Variants in NRXN3 observed in about 807,000 individuals in gnomAD.
NRXN3 encodes neurexin 3, also known as neurexin III.
In NRXN3, 32 loss-of-function variants were observed where a neutral mutation model predicts 137.6. The ratio of observed to expected loss-of-function variants is 0.23; its 90% CI spans 0.18 to 0.31. The LOEUF is 0.31. Ranked by LOEUF, NRXN3 falls within the 10% of genes least tolerant of loss-of-function variation. The pLI is 1.00. For synonymous variants in NRXN3, 798 were observed against 784.5 expected (o/e 1.02, Z -0.29); for missense variants, 1,574 against 2,062.5 (o/e 0.76, Z 4.59).
intron 8 of NRXN3, among the ~76,000 whole-genome samples, chr14:78,792,257 C>CAAAAAAAAAAAAAAAAAAAAAAA (rs140968788): frequency 5.1e-5 from 1 of 19,456 alleles, no homozygotes; most frequent in Non-Finnish European, 7.7e-5. Context: ...AGACTAAAGG[C>CAAAAAAAAAAAAAAAAAAAAAAA]AAAAAAAAAA....
At chr14:79,196,981 G>A (rs1295014250) in intron 15 of NRXN3, among the ~76,000 whole-genome samples, 1 of 151,890 alleles carries the variant, frequency 6.6e-6, no homozygotes, top group Non-Finnish European at 1.5e-5. Flanking sequence ...TCAAGGGTCT[G>A]GGGGTCAGTT....
At chr14:79,836,662 G>A (rs2141354249) in intron 20 of NRXN3, among the ~76,000 whole-genome samples, 1 of 152,246 alleles carries the variant, frequency 6.6e-6, no homozygotes, top group African/African-American at 2.4e-5. Context: ...GAGGGTCCCA[G>A]AGAACCTCAT....
chr14:79,058,972 T>C (rs2099670018), intron 15 of NRXN3, among the ~76,000 whole-genome samples: 1 of 152,192 alleles, frequency 6.6e-6, no homozygotes, highest in South Asian at 2.1e-4. Flanking sequence ...ATTAAACCTT[T>C]TTCTTTTATA....
At chr14:78,886,497 A>G (rs189709627) in intron 10 of NRXN3, among the ~76,000 whole-genome samples, 1 of 151,796 alleles carries the variant, frequency 6.6e-6, no homozygotes, top group Admixed American at 6.6e-5. Flanking sequence ...CTTCTTTTAT[A>G]TCTCTTTCTT....
At chr14:79,708,196 T>G (rs1195302348) in intron 19 of NRXN3, among the ~76,000 whole-genome samples, 1 of 152,184 alleles carries the variant, frequency 6.6e-6, no homozygotes, top group East Asian at 1.9e-4. Context: ...GTACAGACTT[T>G]TTTCTTACTA....
chr14:79,083,123 A>G (rs1173161201), intron 15 of NRXN3, among the ~76,000 whole-genome samples: 3 of 152,216 alleles, frequency 2.0e-5, no homozygotes, highest in African/African-American at 4.8e-5. Context: ...CATCAGTGGT[A>G]CTGTGTGAGA....
chr14:79,415,739 G>C (rs554948483), intron 15 of NRXN3, among the ~76,000 whole-genome samples: 1 of 152,134 alleles, frequency 6.6e-6, no homozygotes, highest in South Asian at 2.1e-4. Flanking sequence ...ATGTAGCATT[G>C]AGCCTATGTC....
At chr14:79,552,132 A>G (rs2097379197) in intron 16 of NRXN3, among the ~76,000 whole-genome samples, 1 of 152,210 alleles carries the variant, frequency 6.6e-6, no homozygotes, top group South Asian at 2.1e-4. Flanking sequence ...TGTTGTTTTC[A>G]ATTTGTTTAT....
chr14:78,357,127 C>G (rs1219672209), intron 4 of NRXN3, among the ~76,000 whole-genome samples: 1 of 152,122 alleles, frequency 6.6e-6, no homozygotes, highest in Non-Finnish European at 1.5e-5. Flanking sequence ...ATACCTGCGA[C>G]TTGGCAGTTT....
intron 10 of NRXN3, among the ~76,000 whole-genome samples, chr14:78,883,762 A>G (rs1437348304): frequency 1.3e-5 from 2 of 152,168 alleles, no homozygotes; most frequent in Admixed American, 6.5e-5. Context: ...AAATGCAGAG[A>G]GCTTACTCCA....
intron 4 of NRXN3, among the ~76,000 whole-genome samples, chr14:78,344,598 C>T (rs1163234992): frequency 6.6e-6 from 1 of 152,180 alleles, no homozygotes; most frequent in African/African-American, 2.4e-5. Flanking sequence ...GCTGCTCTGA[C>T]GTGGCTGCTT....
At chr14:79,808,343 C>CA (rs1568322897) in intron 20 of NRXN3, among the ~76,000 whole-genome samples, 1 of 150,508 alleles carries the variant, frequency 6.6e-6, no homozygotes, top group East Asian at 2.0e-4. Flanking sequence ...AATCAGAAAT[C>CA]AGTTTCTTGG....
At chr14:78,885,488 T>C (rs776710836) in intron 10 of NRXN3, among the ~76,000 whole-genome samples, 2 of 152,146 alleles carry the variant, frequency 1.3e-5, no homozygotes, top group Non-Finnish European at 2.9e-5. Context: ...ATAATTACTT[T>C]ATTCTCCCAT....
At chr14:79,464,093 A>G (rs2096389207) in intron 15 of NRXN3, among the ~76,000 whole-genome samples, 1 of 152,190 alleles carries the variant, frequency 6.6e-6, no homozygotes, top group Admixed American at 6.5e-5. Flanking sequence ...CAATAACAAC[A>G]TCAGAGTAGA....
rs750222782 is a variant in NRXN3, at chr14:79,861,881, G to C, written c.4633G>C (p.Gly1545Arg). The change falls in exon 21 of 21, where the codon GGC (glycine) becomes CGC (arginine). Residue 1545 changes from glycine to arginine, a missense_variant. Around this residue, in one of 5 missense-constraint regions of NRXN3, gnomAD observed 320 missense variants for 387.1 expected, o/e 0.83. Transcript: ENST00000335750. The surrounding 1 kb of genome is among the most constrained non-coding windows in gnomAD (Gnocchi z 5.4). Reference sequence around the variant, plus strand: ...CATCAGCAACTCCGCCCAGAGCAACGGCACGCTCATGAAGGAGAAGCAGCA... The same window carrying C: ...CATCAGCAACTCCGCCCAGAGCAACCGCACGCTCATGAAGGAGAAGCAGCA... ...NYISNSAQSN[G>R]TLMKEKQQSS... 6.2e-7 allele frequency: 1 copy of C among 1,614,000 alleles called. No individual in the cohort carries two copies. The highest frequency in any genetic ancestry group is 1.3e-5 in the African/African-American group (1 of 75,032).
chr14:78,236,729 T>TCCC (rs5809870), intron 1 of NRXN3, among the ~76,000 whole-genome samples: 45 of 141,368 alleles, frequency 3.2e-4, no homozygotes, highest in African/African-American at 7.9e-4. Flanking sequence ...TAGGTATTAT[T>TCCC]CCCCCCCCCC....
At position 78,802,889 on chromosome 14, in the gene NRXN3, T is replaced by A. The variant is rs142518117; in HGVS notation, c.2045-731T>A. ...TGAACCAGGGAGGCAGAGGCTGCAG[T>A]GAGCGAAGATCACACTGCTGCACTC... On this transcript the variant is annotated intron_variant, in intron 8 of 20. Coordinates refer to ENST00000335750, the MANE Select transcript of NRXN3 (RefSeq NM_001330195.2). Among the ~76,000 whole-genome samples, 440 of 152,288 alleles carry A rather than the reference T, an allele frequency of 2.9e-3. 2 individuals are homozygous for A. Among genetic ancestry groups the A allele is most frequent in the African/African-American group, 0.01 (420 of 41,568 alleles).
At position 79,531,936 on chromosome 14, in the gene NRXN3, T is replaced by G. The variant is rs138311623; in HGVS notation, c.3444+64534T>G. 1.6e-3 allele frequency among the ~76,000 whole-genome samples: 241 copies of G among 152,312 alleles called. 1 individual carries two copies. The highest frequency in any genetic ancestry group is 5.5e-3 in the African/African-American group (230 of 41,576). ...ATCAAGGGGAGTGAGCAGAAATTATTCTCGTCAATCATCCATGTGTCCCTC... is the reference window on the plus strand; with the variant it reads ...ATCAAGGGGAGTGAGCAGAAATTATGCTCGTCAATCATCCATGTGTCCCTC... On this transcript the variant is annotated intron_variant, in intron 16 of 20. Transcript: ENST00000335750.
At chr14:79,041,305 CAGGTACTTTCATTCATAG>C in intron 15 of NRXN3, among the ~76,000 whole-genome samples, 1 of 152,254 alleles carries the variant, frequency 6.6e-6, no homozygotes, top group Middle Eastern at 3.4e-3. Context: ...TGGTTTTTAG[CAGGTACTTTCATTCATAG>C]AGATAGTAGC....
Sources: gnomAD v4.1 joint callset for allele counts (sites outside exome capture counted in the v4.1 genomes callset) on GRCh38, gnomAD v4.1.1 for gene constraint, gnomAD v4.1.1 regional missense constraint, Gnocchi (gnomAD v3.1) non-coding constraint, MANE v1.5 for transcripts, NCBI Gene and HGNC (gene_info 2026-07-23, HGNC 2026-07-21) for gene names.